The following DTWD2 variants were observed in gnomAD, a reference collection of about 807,000 sequenced individuals.
DTWD2 encodes the protein DTW motif tRNA-uridine aminocarboxypropyltransferase 2.
In DTWD2, 39 loss-of-function variants were observed where a neutral mutation model predicts 31.8. The ratio of observed to expected loss-of-function variants is 1.22; its 90% CI spans 0.95 to 1.60. The LOEUF (loss-of-function observed/expected upper bound fraction) is 1.60. Ranked by LOEUF, DTWD2 falls within the 40% of genes most tolerant of loss-of-function variation. DTWD2 has a pLI of 0.00. For synonymous variants in DTWD2, 180 were observed against 142.8 expected (o/e 1.26, Z -1.86); for missense variants, 515 against 381.5 (o/e 1.35, Z -2.92).
chr5:118,953,884 T>C (rs918206982), intron 1 of DTWD2, among the ~76,000 whole-genome samples: 8 of 152,198 alleles, frequency 5.3e-5, no homozygotes, highest in Non-Finnish European at 1.0e-4. Flanking sequence ...CCTGAGTGTC[T>C]AGCAACTGGT....
At chr5:118,964,261 G>A (rs970246797) in intron 1 of DTWD2, among the ~76,000 whole-genome samples, 2 of 151,838 alleles carry the variant, frequency 1.3e-5, no homozygotes, top group Admixed American at 6.6e-5. Flanking sequence ...CATCTCAGAT[G>A]TGTTTACTCA....
intron 3 of DTWD2, among the ~76,000 whole-genome samples, chr5:118,929,118 T>G (rs1236052176): frequency 6.6e-6 from 1 of 152,188 alleles, no homozygotes. Flanking sequence ...CAAACAATCC[T>G]AACAATCCCA....
chr5:118,841,220 G>C, intron 5 of DTWD2, 133 bp from the exon 6 acceptor site: 1 of 881,712 alleles, frequency 1.1e-6, no homozygotes, highest in Non-Finnish European at 1.7e-6. Context: ...GAAACACTAG[G>C]CACTCTGATA....
At chr5:118,863,788 T>C (rs939455840) in intron 4 of DTWD2, among the ~76,000 whole-genome samples, 1 of 152,132 alleles carries the variant, frequency 6.6e-6, no homozygotes, top group Non-Finnish European at 1.5e-5. Context: ...AATACTATTA[T>C]CTCATTTAAT....
Position 118,836,535 on chromosome 5 carries a change from C to T in DTWD2, c.*4382G>A, listed in dbSNP as rs996661905. Among the ~76,000 whole-genome samples the T allele has an allele frequency of 6.6e-6, 1 of 152,190 alleles. No homozygotes were observed. The highest frequency in any genetic ancestry group is 6.5e-5 in the Admixed American group (1 of 15,272). ...TACAGATGTGAGCCACCACGCTTGG[C>T]TCAAGTGAATAATTCTTAAAAATTG... On this transcript the variant is annotated 3_prime_UTR_variant, in exon 6 of 6. Coordinates refer to ENST00000510708, the MANE Select transcript of DTWD2 (RefSeq NM_173666.4).
At chr5:118,910,199 CTTTAA>C (rs1190264873) in intron 4 of DTWD2, among the ~76,000 whole-genome samples, 1 of 152,176 alleles carries the variant, frequency 6.6e-6, no homozygotes, top group Non-Finnish European at 1.5e-5. Flanking sequence ...TAAATTCCAT[CTTTAA>C]TTTGTTTCTT....
intron 4 of DTWD2, among the ~76,000 whole-genome samples, chr5:118,860,243 C>A (rs987287916): frequency 8.0e-5 from 12 of 149,612 alleles, no homozygotes; most frequent in African/African-American, 9.8e-5. Flanking sequence ...ATATTATAAT[C>A]TTAAATGAAT....
intron 4 of DTWD2, among the ~76,000 whole-genome samples, chr5:118,850,218 C>T (rs1751965409): frequency 1.4e-5 from 2 of 148,002 alleles, no homozygotes; most frequent in African/African-American, 5.0e-5. Flanking sequence ...AATCCCAGCA[C>T]TTTGGGAGGC....
chr5:118,879,470 C>T (rs1252458172), intron 4 of DTWD2, among the ~76,000 whole-genome samples: 1 of 151,840 alleles, frequency 6.6e-6, no homozygotes, highest in African/African-American at 2.4e-5. Context: ...ATTAGCTGGG[C>T]ATGGAGGCGC....
At chr5:118,965,933 T>TA (rs1157656453) in intron 1 of DTWD2, among the ~76,000 whole-genome samples, 7 of 108,262 alleles carry the variant, frequency 6.5e-5, no homozygotes, top group African/African-American at 1.1e-4. Flanking sequence ...GAATGATCAA[T>TA]AAAAAAAATA....
intron 4 of DTWD2, among the ~76,000 whole-genome samples, chr5:118,893,254 G>T (rs921734099): frequency 2.6e-5 from 4 of 151,412 alleles, no homozygotes; most frequent in Admixed American, 1.3e-4. Flanking sequence ...CCAACTACTT[G>T]GGAGGCTGAG....
At chr5:118,903,864 G>C in intron 4 of DTWD2, among the ~76,000 whole-genome samples, 1 of 151,392 alleles carries the variant, frequency 6.6e-6, no homozygotes, top group Non-Finnish European at 1.5e-5. Flanking sequence ...ATGAAATAGA[G>C]TTAAAAAGAA....
In DTWD2 at chr5:118,939,306, G is replaced by A; in HGVS notation, c.310-16C>T. The A allele has an allele frequency of 6.5e-7, 1 of 1,541,550 alleles. No individual in the cohort carries two copies. The highest frequency in any genetic ancestry group is 8.8e-7 in the Non-Finnish European group (1 of 1,142,680). ...CTTTGTTTTCCTTTAATTAAAAAAT[G>A]AATTGAAACATAGATTTTTACTTAG... On this transcript the variant is annotated splice_polypyrimidine_tract_variant and intron_variant, in intron 2 of 5. Transcript: ENST00000510708.
intron 4 of DTWD2, among the ~76,000 whole-genome samples, chr5:118,898,596 T>G (rs1411577722): frequency 6.7e-6 from 1 of 149,446 alleles, no homozygotes; most frequent in African/African-American, 2.5e-5. Flanking sequence ...GAGGCGGAGG[T>G]TGCAGTGAGC....
intron 1 of DTWD2, among the ~76,000 whole-genome samples, chr5:118,986,638 T>C (rs751346785): frequency 4.6e-5 from 7 of 152,192 alleles, no homozygotes; most frequent in Non-Finnish European, 7.4e-5. Context: ...TCTAATAGCA[T>C]AATGAAATAA....
At position 118,984,706 on chromosome 5, in the gene DTWD2, T is replaced by C. The variant is rs956766890; in HGVS notation, c.218+3588A>G. On this transcript the variant is annotated intron_variant, in intron 1 of 5. Coordinates refer to ENST00000510708, the MANE Select transcript of DTWD2 (RefSeq NM_173666.4). ...ATTCAGTTTGTGTGCATGCTCTCCC[T>C]GCTGTTTCTTCCCTTAAACAGGTTT... 2.0e-5 allele frequency among the ~76,000 whole-genome samples: 3 copies of C among 152,342 alleles called. No individual in the cohort carries two copies. The South Asian group carries it at 6.2e-4, about 32-fold the overall frequency.
chr5:118,887,201 A>G (rs1752886300), intron 4 of DTWD2, among the ~76,000 whole-genome samples: 1 of 152,154 alleles, frequency 6.6e-6, no homozygotes, highest in African/African-American at 2.4e-5. Context: ...GGGTCTTTTA[A>G]TTTAAAATTC....
chr5:118,841,026 C>G lies in DTWD2; in HGVS notation c.788G>C (p.Arg263Pro). 6.2e-7 allele frequency: 1 copy of G among 1,613,454 alleles called. No homozygotes were observed. The highest frequency in any genetic ancestry group is 8.5e-7 in the Non-Finnish European group (1 of 1,179,710). The change falls in exon 6 of 6, where the codon CGC becomes CCC. Residue 263 changes from arginine to proline, a missense_variant. Arg to Pro is a moderately radical substitution (Grantham distance 103). Transcript: ENST00000510708. ...SFQLQHGAQI[R>P]LSKEHLLKNG... ...TTTCAGAAGGTGTTCCTTGCTGAGG[C>G]GAATTTGGGCACCATGCTGAAGTTG...
Position 118,906,007 on chromosome 5 carries a change from G to A in DTWD2, c.597+22530C>T, listed in dbSNP as rs148463254. On this transcript the variant is annotated intron_variant, in intron 4 of 5. Coordinates refer to ENST00000510708, the MANE Select transcript of DTWD2 (RefSeq NM_173666.4). The stretch of plus-strand genomic sequence containing the variant: ...GAATATGTAAACAACTCTCAGGCTC[G>A]TTAACAAGAAAACAAAACAATATAA... Among the ~76,000 whole-genome samples, 664 of 152,172 alleles carry A rather than the reference G, an allele frequency of 4.4e-3. 6 individuals are homozygous for A. The highest frequency in any genetic ancestry group is 0.015 in the African/African-American group (611 of 41,540).
Sources: allele counts gnomAD v4.1 joint callset (sites outside exome capture counted in the v4.1 genomes callset), GRCh38; gene constraint gnomAD v4.1.1; transcripts MANE v1.5; gene names NCBI Gene and HGNC (gene_info 2026-07-23, HGNC 2026-07-21).